DLGAP5: variants seen among roughly 807,000 people sequenced by gnomAD.
DLGAP5 encodes the protein disks large-associated protein 5.
Under a neutral mutation model 99.6 loss-of-function variants are expected in DLGAP5, and 90 were observed. The ratio of observed to expected loss-of-function variants is 0.90; its 90% CI spans 0.76 to 1.08. DLGAP5 has a LOEUF of 1.08. Ranked by LOEUF, DLGAP5 falls within the 50% of genes least tolerant of loss-of-function variation. The pLI is 0.00. For missense variants in DLGAP5, 1,036 were observed against 983.5 expected, an observed-to-expected ratio of 1.05 and a Z score of -0.71; for synonymous variants, 311 against 321.3, an observed-to-expected ratio of 0.97 and a Z score of 0.34.
chr14:55,180,309 G>C (rs958197660), intron 6 of DLGAP5, among the ~76,000 whole-genome samples: 1 of 152,092 alleles, frequency 6.6e-6, no homozygotes, highest in African/African-American at 2.4e-5. Flanking sequence ...AGTTTGACCT[G>C]CTTTTCTTTG....
In DLGAP5 at chr14:55,177,262, T is replaced by C. The variant is rs773709568; in HGVS notation, c.849A>G (p.Pro283=). The C allele has an allele frequency of 6.2e-7, 1 of 1,612,620 alleles. No individual in the cohort carries two copies. The highest frequency in any genetic ancestry group is 1.1e-5 in the South Asian group (1 of 90,662). ...SQTNATSGMN[P]DGVLSKMENL... Reference sequence around the variant, plus strand: ...TTTCCATTTTTGATAAGACTCCATCTGGATTCATTCCACTTGTTGCATTAG... The same window carrying C: ...TTTCCATTTTTGATAAGACTCCATCCGGATTCATTCCACTTGTTGCATTAG... Residue 283 remains proline, a synonymous_variant, in exon 8 of 19, where the codon CCA becomes CCG. Transcript: ENST00000247191.
At chr14:55,167,507 C>T (rs1175457176) in intron 12 of DLGAP5, among the ~76,000 whole-genome samples, 2 of 152,140 alleles carry the variant, frequency 1.3e-5, no homozygotes, top group African/African-American at 4.8e-5. Flanking sequence ...TTTCTTTAGA[C>T]TTAATAATTG....
chr14:55,163,161 A>T, intron 12 of DLGAP5, 86 bp from the exon 13 acceptor site: 1 of 682,128 alleles, frequency 1.5e-6, no homozygotes, highest in Non-Finnish European at 2.2e-6. Flanking sequence ...AAAAAATTAA[A>T]AATAGTGATT....
At chr14:55,149,889 TA>T (rs573432693) in intron 18 of DLGAP5, among the ~76,000 whole-genome samples, 13 of 151,200 alleles carry the variant, frequency 8.6e-5, no homozygotes, top group African/African-American at 3.2e-4. Flanking sequence ...GCATCTCTAC[TA>T]AAAAATACAA....
intron 17 of DLGAP5, among the ~76,000 whole-genome samples, chr14:55,151,419 G>A (rs1882013139): frequency 6.6e-6 from 1 of 152,084 alleles, no homozygotes; most frequent in Non-Finnish European, 1.5e-5. Context: ...TAGGCGCGGT[G>A]GTACATGTGT....
chr14:55,165,418 G>A (rs755697931), intron 12 of DLGAP5, among the ~76,000 whole-genome samples: 2 of 152,102 alleles, frequency 1.3e-5, no homozygotes, highest in Non-Finnish European at 2.9e-5. Context: ...AGCAACTTGG[G>A]AGGCTGAAGC....
At chr14:55,167,403 A>G (rs1330852662) in intron 12 of DLGAP5, among the ~76,000 whole-genome samples, 5 of 152,220 alleles carry the variant, frequency 3.3e-5, no homozygotes, top group Non-Finnish European at 5.9e-5. Context: ...TAAATATATA[A>G]AAACTCATCA....
intron 13 of DLGAP5, among the ~76,000 whole-genome samples, chr14:55,161,136 G>C (rs1882414157): frequency 6.6e-6 from 1 of 152,066 alleles, no homozygotes; most frequent in Non-Finnish European, 1.5e-5. Context: ...GATTAGCTTT[G>C]TTTGATAATC....
In DLGAP5 at chr14:55,187,450, G is replaced by A. The variant is rs146995587; in HGVS notation, c.238+1492C>T. ...TCTCCTGCCTCGGCCTCCTGAGTAG[G>A]TGGGATTACAGGTGTGTGTCACCAC... On this transcript the variant is annotated intron_variant, in intron 2 of 18. Transcript: ENST00000247191. 7.9e-3 allele frequency among the ~76,000 whole-genome samples: 1,197 copies of A among 150,698 alleles called. 8 individuals are homozygous for A. The highest frequency in any genetic ancestry group is 0.021 in the Middle Eastern group (6 of 292).
At chr14:55,150,142 T>C (rs996479533) in intron 18 of DLGAP5, among the ~76,000 whole-genome samples, 2 of 151,916 alleles carry the variant, frequency 1.3e-5, no homozygotes, top group African/African-American at 2.4e-5. Flanking sequence ...ATTCGTGCCA[T>C]AGTGCCAGTA....
chr14:55,172,981 CAAAAAAAAAAAAA>C (rs71291818), intron 10 of DLGAP5, among the ~76,000 whole-genome samples: 3 of 62,094 alleles, frequency 4.8e-5, no homozygotes, highest in Non-Finnish European at 8.9e-5. Flanking sequence ...GACTCCGTCT[CAAAAAAAAAAAAA>C]AAAAAAAAAA....
chr14:55,179,391 T>C (rs1465985639), intron 7 of DLGAP5, among the ~76,000 whole-genome samples: 1 of 152,242 alleles, frequency 6.6e-6, no homozygotes, highest in Non-Finnish European at 1.5e-5. Context: ...GCTGTGTTTT[T>C]ATTATTTTTC....
chr14:55,177,665 G>A (rs1883126869), intron 7 of DLGAP5, among the ~76,000 whole-genome samples: 1 of 151,608 alleles, frequency 6.6e-6, no homozygotes, highest in Non-Finnish European at 1.5e-5. Flanking sequence ...AGCCTCCCAA[G>A]TAGCTGGGAC....
At chr14:55,175,262 T>A (rs535335073) in intron 10 of DLGAP5, 84 bp downstream of exon 10, 2 of 1,292,772 alleles carry the variant, frequency 1.5e-6, no homozygotes, top group Admixed American at 4.7e-5. Flanking sequence ...TCCCCCACTA[T>A]ATTAAGGTTA....
chr14:55,158,466 T>G lies in DLGAP5; in HGVS notation c.1873+56A>C, dbSNP rs1012049689. On this transcript the variant is annotated intron_variant, in intron 14 of 18. Transcript: ENST00000247191. ...ACAAGCCCCCATCTATCCCAAATAT[T>G]TCTCTTAAGTAGTCTCAGGAAAAAC... 1.2e-5 allele frequency: 17 copies of G among 1,458,592 alleles called. No homozygotes were observed. In the South Asian group the frequency reaches 1.9e-4, roughly 16 times the overall value. 90.4% of individuals were successfully genotyped at this position (1,458,592 alleles called of 1,614,324 possible). A position where few individuals can be genotyped will look rare whatever the true frequency, so the allele number is the denominator to read the frequency against.
At chr14:55,154,449 T>C (rs1422678520) in intron 15 of DLGAP5, among the ~76,000 whole-genome samples, 168 bp downstream of exon 15, 1 of 152,174 alleles carries the variant, frequency 6.6e-6, no homozygotes, top group Non-Finnish European at 1.5e-5. Flanking sequence ...CCTGAAACCT[T>C]AAGCTTTAGT....
intron 7 of DLGAP5, among the ~76,000 whole-genome samples, chr14:55,178,142 C>G (rs1355612410): frequency 1.3e-5 from 2 of 151,464 alleles, no homozygotes; most frequent in African/African-American, 2.4e-5. Flanking sequence ...GTCCCAGCTA[C>G]TTGGGAGGCT....
At chr14:55,150,725 C>CA in intron 18 of DLGAP5, 74 bp downstream of exon 18, 1 of 1,150,804 alleles carries the variant, frequency 8.7e-7, no homozygotes, top group South Asian at 1.5e-5. Flanking sequence ...GCCTTGTACA[C>CA]AAATAGAAAA....
At chr14:55,174,578 T>C (rs1184826021) in intron 10 of DLGAP5, among the ~76,000 whole-genome samples, 3 of 152,174 alleles carry the variant, frequency 2.0e-5, no homozygotes, top group Admixed American at 6.5e-5. Context: ...TGCCCAGCTT[T>C]AAAATTTCTT....
Sources: allele counts gnomAD v4.1 joint callset (sites outside exome capture counted in the v4.1 genomes callset), GRCh38; gene constraint gnomAD v4.1.1; transcripts MANE v1.5; gene names NCBI Gene and HGNC (gene_info 2026-07-23, HGNC 2026-07-21).